RNF13: variants seen among roughly 807,000 people sequenced by gnomAD.
RNF13 encodes E3 ubiquitin-protein ligase RNF13.
In RNF13, 19 loss-of-function variants were observed where a neutral mutation model predicts 37.7. That is an observed-to-expected ratio of 0.50 (90% CI 0.35 to 0.74). The LOEUF is 0.74. RNF13 is among the 30% of genes least tolerant of loss of function. The pLI is 0.01. For synonymous variants in RNF13, 144 were observed against 157.8 expected (o/e 0.91, Z 0.65); for missense variants, 375 against 453.0 (o/e 0.83, Z 1.56).
chr3:149,854,132 A>G (rs1313651488), intron 3 of RNF13, among the ~76,000 whole-genome samples: 1 of 152,084 alleles, frequency 6.6e-6, no homozygotes, highest in Non-Finnish European at 1.5e-5. Context: ...CACCGTGCCT[A>G]GCCAGAATTT....
intron 3 of RNF13, among the ~76,000 whole-genome samples, chr3:149,865,455 C>T (rs1272922051): frequency 6.6e-6 from 1 of 151,318 alleles, no homozygotes; most frequent in African/African-American, 2.4e-5. Flanking sequence ...CATTGACCAG[C>T]CCTATACCCT....
chr3:149,912,235 T>C lies in RNF13; in HGVS notation c.606+152T>C, dbSNP rs1576526375. 7.8e-6 allele frequency: 4 copies of C among 512,734 alleles called. No individual in the cohort carries two copies. The East Asian group carries it at 1.2e-4, about 16-fold the overall frequency. The allele number at this position is 512,734 out of a possible 1,614,324, so 31.8% of individuals were successfully genotyped here. On this transcript the variant is annotated intron_variant, in intron 7 of 9. Coordinates refer to ENST00000392894, the MANE Select transcript of RNF13 (RefSeq NM_183381.3). ...GAAGTTCTAGAAAAAACAAAGATAA[T>C]GTGAATAGGAAAAAGTAAGAATGGT...
chr3:149,814,695 T>C (rs1719246040), intron 1 of RNF13, among the ~76,000 whole-genome samples: 1 of 152,244 alleles, frequency 6.6e-6, no homozygotes, highest in South Asian at 2.1e-4. Flanking sequence ...AAGTGTATTA[T>C]GGATTATGGC....
At chr3:149,934,147 G>A (rs1719452368) in intron 8 of RNF13, among the ~76,000 whole-genome samples, 1 of 151,830 alleles carries the variant, frequency 6.6e-6, no homozygotes, top group African/African-American at 2.4e-5. Flanking sequence ...TTTTTTCTAG[G>A]TTATCTAATT....
At chr3:149,906,210 T>G (rs1716377358) in intron 6 of RNF13, among the ~76,000 whole-genome samples, 2 of 152,372 alleles carry the variant, frequency 1.3e-5, no homozygotes, top group South Asian at 4.1e-4. Flanking sequence ...ATATACCATG[T>G]TTTGTTTATC....
intron 3 of RNF13, among the ~76,000 whole-genome samples, chr3:149,869,697 G>C (rs1711791420): frequency 6.6e-6 from 1 of 151,802 alleles, no homozygotes; most frequent in South Asian, 2.1e-4. Context: ...TTCCCTGCTT[G>C]CTCTTGTTTC....
chr3:149,914,983 T>C (rs1315389768), intron 7 of RNF13, among the ~76,000 whole-genome samples: 1 of 152,048 alleles, frequency 6.6e-6, no homozygotes, highest in African/African-American at 2.4e-5. Flanking sequence ...TCTATTGTTG[T>C]ACCTCCTTTA....
chr3:149,884,267 A>G (rs901646903), intron 4 of RNF13, among the ~76,000 whole-genome samples: 8 of 151,786 alleles, frequency 5.3e-5, no homozygotes. Flanking sequence ...GAGCTTGGTT[A>G]TTTTCAGGCT....
In RNF13 at chr3:149,957,637, G is replaced by A. The variant is rs143281811; in HGVS notation, c.701-2419G>A. ...AGCCTCCTAGCCAGTCTTCTACCAT[G>A]TGATAAGTAAGTATGCCTATCGGCT... On this transcript the variant is annotated intron_variant, in intron 8 of 9. Transcript: ENST00000392894. Among the ~76,000 whole-genome samples the A allele has an allele frequency of 2.0e-4, 31 of 152,308 alleles. No homozygotes were observed. In the East Asian group the frequency reaches 5.2e-3, roughly 26 times the overall value.
intron 5 of RNF13, among the ~76,000 whole-genome samples, chr3:149,898,984 C>A (rs182625540): frequency 6.6e-6 from 1 of 152,146 alleles, no homozygotes; most frequent in East Asian, 1.9e-4. Context: ...ACAACAAGTA[C>A]AACAATTCAA....
chr3:149,843,313 A>AT (rs1722346271), intron 1 of RNF13, among the ~76,000 whole-genome samples: 1 of 152,148 alleles, frequency 6.6e-6, no homozygotes, highest in African/African-American at 2.4e-5. Flanking sequence ...CCTGGAACTG[A>AT]TCCCCCATGG....
intron 3 of RNF13, among the ~76,000 whole-genome samples, chr3:149,871,716 G>T (rs1712081033): frequency 6.6e-6 from 1 of 151,922 alleles, no homozygotes; most frequent in Non-Finnish European, 1.5e-5. Context: ...ATATTTGCTT[G>T]GTTTGAAAAT....
intron 8 of RNF13, among the ~76,000 whole-genome samples, chr3:149,942,935 A>C (rs1442414154): frequency 6.6e-6 from 1 of 152,182 alleles, no homozygotes; most frequent in East Asian, 1.9e-4. Context: ...GCATCAATTG[A>C]AATGATCACC....
chr3:149,880,203 C>T (rs1713225419), intron 4 of RNF13, among the ~76,000 whole-genome samples: 1 of 152,118 alleles, frequency 6.6e-6, no homozygotes, highest in African/African-American at 2.4e-5. Context: ...GAAAGTTATC[C>T]TCTTGTTGCA....
chr3:149,942,540 T>C (rs915443919), intron 8 of RNF13, among the ~76,000 whole-genome samples: 6 of 152,184 alleles, frequency 3.9e-5, no homozygotes, highest in African/African-American at 1.4e-4. Flanking sequence ...CCTTTGTGAA[T>C]TGATTGTTAG....
At position 149,961,782 on chromosome 3, in the gene RNF13, G is replaced by C. The variant is rs1722459433; in HGVS notation, c.*678G>C. 1 of 154,518 alleles carries C rather than the reference G, an allele frequency of 6.5e-6. No individual in the cohort carries two copies. The highest frequency in any genetic ancestry group is 1.9e-4 in the East Asian group (1 of 5,220). The allele number at this position is 154,518 out of a possible 1,614,324, so 9.6% of individuals were successfully genotyped here. ...CTTACTAATTTTCAGTGTCCTTAAG[G>C]GTTCTGTAGTGTTATCAAAGCAAAA... On this transcript the variant is annotated 3_prime_UTR_variant, in exon 10 of 10. Coordinates refer to ENST00000392894, the MANE Select transcript of RNF13 (RefSeq NM_183381.3).
intron 1 of RNF13, among the ~76,000 whole-genome samples, chr3:149,819,788 T>A (rs1456495334): frequency 1.3e-5 from 2 of 152,230 alleles, no homozygotes; most frequent in African/African-American, 4.8e-5. Flanking sequence ...TAAGGAATTT[T>A]ATGCAGGCAG....
intron 1 of RNF13, among the ~76,000 whole-genome samples, chr3:149,823,457 T>C (rs939003975): frequency 2.6e-5 from 4 of 152,192 alleles, no homozygotes; most frequent in African/African-American, 9.7e-5. Context: ...GAATGTTCTT[T>C]TCTGGAAAGC....
At chr3:149,818,122 CA>C (rs112506846) in intron 1 of RNF13, among the ~76,000 whole-genome samples, 16 of 152,232 alleles carry the variant, frequency 1.1e-4, no homozygotes, top group African/African-American at 3.9e-4. Context: ...CTTGTCATAC[CA>C]TTTTTGGAAA....
Sources: allele counts gnomAD v4.1 joint callset (sites outside exome capture counted in the v4.1 genomes callset), GRCh38; gene constraint gnomAD v4.1.1; transcripts MANE v1.5; gene names NCBI Gene and HGNC (gene_info 2026-07-23, HGNC 2026-07-21).